CLDN16: variants seen among roughly 807,000 people sequenced by gnomAD.
CLDN16 encodes the protein claudin-16.
In CLDN16, 13 loss-of-function variants were observed where a neutral mutation model predicts 24.6. The ratio of observed to expected loss-of-function variants is 0.53; its 90% CI spans 0.34 to 0.84. CLDN16 has a LOEUF of 0.84. CLDN16 is among the 40% of genes least tolerant of loss of function. The pLI is 0.01. For synonymous variants in CLDN16, 116 were observed against 106.7 expected (o/e 1.09, Z -0.54); for missense variants, 298 against 292.7 (o/e 1.02, Z -0.13).
At chr3:190,367,058 C>T (rs1258271440) in intron 1 of CLDN16, among the ~76,000 whole-genome samples, 5 of 152,046 alleles carry the variant, frequency 3.3e-5, no homozygotes, top group Non-Finnish European at 7.4e-5. Context: ...TTTTAAACCA[C>T]GGGTTACTTT....
chr3:190,363,477 G>C (rs1717944646), intron 1 of CLDN16, among the ~76,000 whole-genome samples: 1 of 144,564 alleles, frequency 6.9e-6, no homozygotes, highest in South Asian at 2.2e-4. Context: ...TCTTTTGATT[G>C]TTGGTCACAT....
chr3:190,373,234 A>T (rs1402515962), intron 2 of CLDN16, among the ~76,000 whole-genome samples: 1 of 111,092 alleles, frequency 9.0e-6, no homozygotes, highest in Non-Finnish European at 1.9e-5. Context: ...CTGTTTCAGC[A>T]GGGGTTGCAG....
the CLDN16 span, among the ~76,000 whole-genome samples, chr3:190,297,659 T>A: frequency 5.4e-3 from 765 of 141,888 alleles, 5 homozygotes; most frequent in African/African-American, 0.019. Context: ...ATATTATATA[T>A]CTATACATAG....
In CLDN16 at chr3:190,341,317, A is replaced by G. The variant is rs548125616; in HGVS notation, n.121+18656A>G. Among the ~76,000 whole-genome samples, 4 of 152,320 alleles carry G rather than the reference A, an allele frequency of 2.6e-5. No individual in the cohort carries two copies. In the South Asian group the frequency reaches 8.3e-4, roughly 32 times the overall value. On this transcript the variant is annotated intron_variant and non_coding_transcript_variant, in intron 1 of 4. Coordinates refer to the CLDN16 transcript ENST00000468220. ...CCTGGATATCAAGGTGTTTCCATAC[A>G]TCCTCTGAAATCTAGGCAGAGGCTC...
the CLDN16 span, among the ~76,000 whole-genome samples, chr3:190,297,867 A>T: frequency 3.3e-5 from 5 of 151,120 alleles, no homozygotes; most frequent in Non-Finnish European, 7.4e-5. Context: ...AAACTCTGTG[A>T]GTTAAGTTGG....
intron 1 of CLDN16, among the ~76,000 whole-genome samples, chr3:190,326,221 A>G (rs942455441): frequency 2.0e-5 from 3 of 152,198 alleles, no homozygotes; most frequent in Admixed American, 1.3e-4. Context: ...GCAAGCATAC[A>G]TGAAACAGTA....
chr3:190,404,060 C>A (rs1719027458), intron 2 of CLDN16, among the ~76,000 whole-genome samples: 1 of 152,010 alleles, frequency 6.6e-6, no homozygotes, highest in African/African-American at 2.4e-5. Context: ...ACCTATGTAA[C>A]CTATTAACAT....
chr3:190,358,873 C>G (rs976232512), intron 1 of CLDN16, among the ~76,000 whole-genome samples: 2 of 151,978 alleles, frequency 1.3e-5, no homozygotes, highest in African/African-American at 4.8e-5. Context: ...AGATATAATC[C>G]AATTTAATGG....
intron 3 of CLDN16, among the ~76,000 whole-genome samples, chr3:190,375,090 C>T (rs1718219721): frequency 6.6e-6 from 1 of 151,914 alleles, no homozygotes; most frequent in African/African-American, 2.4e-5. Flanking sequence ...TTGTCTATCT[C>T]CTGCACTTCA....
At chr3:190,304,991 T>C in the CLDN16 span, among the ~76,000 whole-genome samples, 1 of 152,204 alleles carries the variant, frequency 6.6e-6, no homozygotes, top group Non-Finnish European at 1.5e-5. Context: ...AGCACCAAGA[T>C]ACTTTATTGC....
upstream of CLDN16, among the ~76,000 whole-genome samples, chr3:190,385,999 AC>A (rs1718489209): frequency 1.3e-5 from 2 of 152,122 alleles, no homozygotes; most frequent in South Asian, 4.1e-4. Flanking sequence ...AGTCCAGTGT[AC>A]ACTCAGGTTG....
chr3:190,364,483 C>T (rs1237441361), intron 1 of CLDN16, among the ~76,000 whole-genome samples: 1 of 151,908 alleles, frequency 6.6e-6, no homozygotes, highest in Non-Finnish European at 1.5e-5. Flanking sequence ...TTCCTGTTGT[C>T]CCACGGGTAG....
intron 1 of CLDN16, among the ~76,000 whole-genome samples, chr3:190,356,414 C>G (rs1717774953): frequency 6.6e-6 from 1 of 151,782 alleles, no homozygotes; most frequent in Non-Finnish European, 1.5e-5. Flanking sequence ...ATACTCATGT[C>G]TGGACAAATC....
At chr3:190,303,885 C>T in the CLDN16 span, among the ~76,000 whole-genome samples, 6 of 87,888 alleles carry the variant, frequency 6.8e-5, no homozygotes, top group African/African-American at 4.6e-4. Context: ...TCCTTTTCCC[C>T]ACAAAACACA....
At chr3:190,351,491 A>G (rs1577405873) in intron 1 of CLDN16, among the ~76,000 whole-genome samples, 2 of 152,190 alleles carry the variant, frequency 1.3e-5, no homozygotes, top group Admixed American at 1.3e-4. Flanking sequence ...CTCATGTGTA[A>G]AATGTAACCT....
At chr3:190,356,493 G>T (rs1489544514) in intron 1 of CLDN16, among the ~76,000 whole-genome samples, 1 of 151,618 alleles carries the variant, frequency 6.6e-6, no homozygotes, top group Non-Finnish European at 1.5e-5. Flanking sequence ...ATACCACTGT[G>T]GTAAATTACC....
intron 3 of CLDN16, among the ~76,000 whole-genome samples, chr3:190,376,235 G>A (rs10804925): frequency 0.56 from 84,916 of 151,634 alleles, 24,095 homozygotes; most frequent in African/African-American, 0.64. Context: ...CAGGAGAACC[G>A]CATTTCTGAG....
chr3:190,311,556 T>C, the CLDN16 span, among the ~76,000 whole-genome samples: 1 of 151,924 alleles, frequency 6.6e-6, no homozygotes, highest in Admixed American at 6.6e-5. Context: ...AAGTCTATTC[T>C]AGTTTTTTTC....
intron 2 of CLDN16, among the ~76,000 whole-genome samples, chr3:190,372,680 A>T (rs1385988848): frequency 6.6e-6 from 1 of 151,948 alleles, no homozygotes; most frequent in Non-Finnish European, 1.5e-5. Flanking sequence ...TTAAACAAAA[A>T]TGAGCTAGTA....
Sources: allele counts gnomAD v4.1 joint callset (sites outside exome capture counted in the v4.1 genomes callset), GRCh38; gene constraint gnomAD v4.1.1; transcripts MANE v1.5; gene names NCBI Gene and HGNC (gene_info 2026-07-23, HGNC 2026-07-21).